Variants in GFRA1 observed in about 807,000 individuals in gnomAD.
The protein encoded by GFRA1 is GDNF family receptor alpha-1.
A neutral mutation model predicts 51.6 loss-of-function variants in GFRA1; 16 were observed. That is an observed-to-expected ratio of 0.31 (90% CI 0.21 to 0.47). The LOEUF (loss-of-function observed/expected upper bound fraction) is 0.47, where lower values mean the gene tolerates loss of function less well. Ranked by LOEUF, GFRA1 falls within the 20% of genes least tolerant of loss-of-function variation. The pLI is 1.00. For missense variants in GFRA1, 530 were observed against 594.3 expected, an observed-to-expected ratio of 0.89 and a Z score of 1.13; for synonymous variants, 270 against 241.3, an observed-to-expected ratio of 1.12 and a Z score of -1.10.
At chr10:116,143,734 C>A (rs1424906849) in intron 5 of GFRA1, among the ~76,000 whole-genome samples, 2 of 151,832 alleles carry the variant, frequency 1.3e-5, no homozygotes, top group African/African-American at 4.8e-5. Context: ...GCTGGAAGAG[C>A]CACAGATGGG....
chr10:116,064,085 C>CATGATGATCATCATCATGATG lies in GFRA1; in HGVS notation c.*312_*313insCATCATGATGATGATCATCAT, dbSNP rs1954971355. ...TCATCATCATGATCATGATGATCAT[C>CATGATGATCATCATCATGATG]ATCATGATCATCATCATCATCGAAA... On this transcript the variant is annotated 3_prime_UTR_variant, in exon 11 of 11. Transcript: ENST00000355422. The CATGATGATCATCATCATGATG allele has an allele frequency of 4.1e-5, 8 of 195,958 alleles. No homozygotes were observed. Among genetic ancestry groups the CATGATGATCATCATCATGATG allele is most frequent in the African/African-American group, 3.4e-4 (8 of 23,204 alleles). 12.1% of individuals were successfully genotyped at this position (195,958 alleles called of 1,614,324 possible).
At chr10:116,233,948 G>A (rs76771895) in intron 4 of GFRA1, among the ~76,000 whole-genome samples, 13,293 of 152,174 alleles carry the variant, frequency 0.087, 637 homozygotes, top group Non-Finnish European at 0.11. Flanking sequence ...CAGGGATATC[G>A]GGAACAGGCA....
intron 4 of GFRA1, among the ~76,000 whole-genome samples, chr10:116,263,562 G>A (rs1001064841): frequency 6.6e-6 from 1 of 152,182 alleles, no homozygotes; most frequent in Admixed American, 6.5e-5. Flanking sequence ...GAGGGATGAA[G>A]CTGCCCAGAG....
In GFRA1 at chr10:116,272,258, G is replaced by A; in HGVS notation, c.-229C>T. 1 of 599,392 alleles carries A rather than the reference G, an allele frequency of 1.7e-6. No homozygotes were observed. The highest frequency in any genetic ancestry group is 3.0e-6 in the Non-Finnish European group (1 of 336,366). 37.1% of individuals were successfully genotyped at this position (599,392 alleles called of 1,614,324 possible). A position where few individuals can be genotyped will look rare whatever the true frequency, so the allele number is the denominator to read the frequency against. On this transcript the variant is annotated 5_prime_UTR_variant, in exon 2 of 11. Transcript: ENST00000355422. The surrounding 1 kb of genome is among the most constrained non-coding windows in gnomAD (Gnocchi z 4.4). ...GCGGGAGGCGGTTCCGCTTTTAGGG[G>A]TTCAGGTCCGACCCAACCTGGAAGG...
At chr10:116,266,001 C>A (rs1305567580) in intron 4 of GFRA1, among the ~76,000 whole-genome samples, 25 of 152,154 alleles carry the variant, frequency 1.6e-4, no homozygotes. Flanking sequence ...TTCCCTTCTG[C>A]ATTTCAAGCT....
chr10:116,081,401 C>CAAGA (rs1484144991), intron 9 of GFRA1, among the ~76,000 whole-genome samples: 1 of 152,180 alleles, frequency 6.6e-6, no homozygotes, highest in Non-Finnish European at 1.5e-5. Flanking sequence ...AGATGTTCAA[C>CAAGA]AAGAATTTAG....
rs1844019643 is a variant in GFRA1 at position 116,272,271 on chromosome 10, C to A, written c.-242G>T. 5 of 590,540 alleles carry A rather than the reference C, an allele frequency of 8.5e-6. No homozygotes were observed. The highest frequency in any genetic ancestry group is 4.5e-4 in the Middle Eastern group (1 of 2,224). The allele number at this position is 590,540 out of a possible 1,614,324, so 36.6% of individuals were successfully genotyped here. A position where few individuals can be genotyped will look rare whatever the true frequency, so the allele number is the denominator to read the frequency against. ...CCGCTTTTAGGGGTTCAGGTCCGAC[C>A]CAACCTGGAAGGGAGGGCGCGCTTT... On this transcript the variant is annotated 5_prime_UTR_variant, in exon 2 of 11. Transcript: ENST00000355422. The surrounding 1 kb of genome is among the most constrained non-coding windows in gnomAD (Gnocchi z 4.4).
rs557844749 is a variant in GFRA1 at position 116,063,447 on chromosome 10, G to A, written c.*951C>T. On this transcript the variant is annotated 3_prime_UTR_variant, in exon 11 of 11. Coordinates refer to ENST00000355422, the MANE Select transcript of GFRA1 (RefSeq NM_005264.8). The stretch of plus-strand genomic sequence containing the variant: ...ATCAGAGCGAACACTACTTATGAGG[G>A]GAAAGAAGCTCTGTGTATTTTGTAT... 1 of 152,226 alleles carries A rather than the reference G, an allele frequency of 6.6e-6. No homozygotes were observed. The highest frequency in any genetic ancestry group is 2.1e-4 in the South Asian group (1 of 4,822). 9.4% of individuals were successfully genotyped at this position (152,226 alleles called of 1,614,324 possible).
At chr10:116,086,972 C>T (rs1285083495) in intron 9 of GFRA1, among the ~76,000 whole-genome samples, 1 of 152,196 alleles carries the variant, frequency 6.6e-6, no homozygotes, top group Non-Finnish European at 1.5e-5. Context: ...CGTGCACCAC[C>T]ACGCCCAGCT....
chr10:116,107,429 C>A (rs1333519051), intron 6 of GFRA1, among the ~76,000 whole-genome samples: 1 of 152,306 alleles, frequency 6.6e-6, no homozygotes, highest in Non-Finnish European at 1.5e-5. Context: ...AATTGATCCC[C>A]TTTTTTAAGG....
intron 5 of GFRA1, among the ~76,000 whole-genome samples, chr10:116,139,100 C>T (rs1958455421): frequency 6.6e-6 from 1 of 152,212 alleles, no homozygotes; most frequent in South Asian, 2.1e-4. Context: ...GGCTCCTGTC[C>T]ATCGACTGTG....
At chr10:116,119,361 T>A (rs990370002) in intron 6 of GFRA1, among the ~76,000 whole-genome samples, 1 of 152,140 alleles carries the variant, frequency 6.6e-6, no homozygotes. Flanking sequence ...AAACGAGCCA[T>A]TCAGCACTCC....
chr10:116,199,389 C>T (rs1395578371), intron 5 of GFRA1, among the ~76,000 whole-genome samples: 1 of 152,162 alleles, frequency 6.6e-6, no homozygotes, highest in African/African-American at 2.4e-5. Flanking sequence ...GCCACATAAG[C>T]TCTCTTTATG....
rs186645747 is a variant in GFRA1, at chr10:116,156,823, G to A, written c.434-31266C>T. ...GCAGGCTTTACACTGTTTCTCTTTT[G>A]TTCTTTAATTTTAGCTGTACCCATT... On this transcript the variant is annotated intron_variant, in intron 5 of 10. Coordinates refer to ENST00000355422, the MANE Select transcript of GFRA1 (RefSeq NM_005264.8). Among the ~76,000 whole-genome samples, 15 of 152,274 alleles carry A rather than the reference G, an allele frequency of 9.9e-5. No individual in the cohort carries two copies. In the East Asian group the frequency reaches 2.7e-3, roughly 27 times the overall value.
intron 9 of GFRA1, among the ~76,000 whole-genome samples, chr10:116,070,759 C>CTT (rs773344299): frequency 0.013 from 1,279 of 97,586 alleles, 26 homozygotes; most frequent in African/African-American, 0.053. Context: ...AGTCTGGAGC[C>CTT]TTTTTTTTTT....
At position 116,061,918 on chromosome 10, in the gene GFRA1, G is replaced by A. The variant is rs1439062339; in HGVS notation, c.*2480C>T. The A allele has an allele frequency of 1.3e-5, 5 of 398,156 alleles. No homozygotes were observed. Among genetic ancestry groups the A allele is most frequent in the East Asian group, 7.1e-5 (2 of 28,084 alleles). 24.7% of individuals were successfully genotyped at this position (398,156 alleles called of 1,614,324 possible). On this transcript the variant is annotated 3_prime_UTR_variant, in exon 11 of 11. Transcript: ENST00000355422. The stretch of plus-strand genomic sequence containing the variant: ...TTGCTTTGATAAGAATCTCTCTAAC[G>A]TGTTGTCCCTGAACAAGATGCTTCC...
At chr10:116,069,234 C>T (rs1030053933) in intron 9 of GFRA1, among the ~76,000 whole-genome samples, 4 of 152,260 alleles carry the variant, frequency 2.6e-5, no homozygotes, top group African/African-American at 7.2e-5. Context: ...AAAATCAATT[C>T]GAACTATTCT....
intron 9 of GFRA1, among the ~76,000 whole-genome samples, chr10:116,077,088 G>C (rs982890375): frequency 2.6e-5 from 4 of 152,162 alleles, no homozygotes; most frequent in Non-Finnish European, 4.4e-5. Flanking sequence ...CTGGGGTTCA[G>C]GCAGTGTGAT....
At chr10:116,257,495 G>C (rs1159304466) in intron 4 of GFRA1, among the ~76,000 whole-genome samples, 1 of 152,128 alleles carries the variant, frequency 6.6e-6, no homozygotes, top group African/African-American at 2.4e-5. Context: ...ACCCACACTT[G>C]CTCTTGCTCC....
Sources: allele counts gnomAD v4.1 joint callset (sites outside exome capture counted in the v4.1 genomes callset), GRCh38; gene constraint gnomAD v4.1.1; non-coding constraint Gnocchi (gnomAD v3.1); transcripts MANE v1.5; gene names NCBI Gene and HGNC (gene_info 2026-07-23, HGNC 2026-07-21).